INPP5A: variants seen among roughly 807,000 people sequenced by gnomAD.
INPP5A encodes 43 kDa inositol polyphosphate 5-phophatase.
A neutral mutation model predicts 65.2 loss-of-function variants in INPP5A; 14 were observed. The ratio of observed to expected loss-of-function variants is 0.21; its 90% confidence interval spans 0.14 to 0.34. The LOEUF (loss-of-function observed/expected upper bound fraction) is 0.34, where lower values mean the gene tolerates loss of function less well. Ranked by LOEUF, INPP5A falls within the 10% of genes least tolerant of loss-of-function variation. The pLI is 1.00. For synonymous variants in INPP5A, 207 were observed against 208.3 expected (o/e 0.99, Z 0.05); for missense variants, 431 against 545.6 (o/e 0.79, Z 2.09).
At chr10:132,772,452 G>A (rs2986542) in intron 12 of INPP5A, among the ~76,000 whole-genome samples, 64 of 119,164 alleles carry the variant, frequency 5.4e-4, no homozygotes, top group East Asian at 1.0e-3. Context: ...CAGAGGCCAC[G>A]GCAGCCACCC....
intron 9 of INPP5A, among the ~76,000 whole-genome samples, chr10:132,743,374 G>A (rs1590975442): frequency 7.5e-6 from 1 of 133,994 alleles, no homozygotes; most frequent in Non-Finnish European, 1.6e-5. Flanking sequence ...ACCCACCAGC[G>A]CTGCACTCAG....
intron 9 of INPP5A, among the ~76,000 whole-genome samples, chr10:132,729,106 G>T (rs1242500527): frequency 6.6e-6 from 1 of 152,196 alleles, no homozygotes; most frequent in Non-Finnish European, 1.5e-5. Context: ...GCTGGGTCCT[G>T]TGGGGCGTTG....
rs191172714 is a variant in INPP5A, at chr10:132,548,858, G to A, written c.75+10687G>A. ...TCCACCTAGGCTGGAGTGCGGTGGCGCAGTCACCACTCACCGAAGCCTCAA... is the reference window on the plus strand; with the variant it reads ...TCCACCTAGGCTGGAGTGCGGTGGCACAGTCACCACTCACCGAAGCCTCAA... On this transcript the variant is annotated intron_variant, in intron 1 of 15. Coordinates refer to ENST00000368594, the MANE Select transcript of INPP5A (RefSeq NM_005539.5). Among the ~76,000 whole-genome samples the A allele has an allele frequency of 2.4e-4, 35 of 146,046 alleles. No individual in the cohort carries two copies. The South Asian group carries it at 5.9e-3, about 25-fold the overall frequency.
At chr10:132,615,698 G>A (rs1368696631) in intron 2 of INPP5A, among the ~76,000 whole-genome samples, 1 of 152,218 alleles carries the variant, frequency 6.6e-6, no homozygotes, top group Non-Finnish European at 1.5e-5. Context: ...TGGAGAGTGG[G>A]CAGCTGGGAC....
intron 4 of INPP5A, among the ~76,000 whole-genome samples, chr10:132,687,516 T>A (rs112697908): frequency 6.6e-6 from 1 of 152,256 alleles, no homozygotes; most frequent in Non-Finnish European, 1.5e-5. Context: ...GAGGCAGAGA[T>A]GCTGCCTGCT....
At chr10:132,680,669 G>A (rs1156772846) in intron 4 of INPP5A, among the ~76,000 whole-genome samples, 2 of 152,260 alleles carry the variant, frequency 1.3e-5, no homozygotes, top group East Asian at 1.9e-4. Flanking sequence ...AGGGAGAGGC[G>A]CTAGCGGGAA....
At chr10:132,695,605 C>T (rs902547156) in intron 5 of INPP5A, among the ~76,000 whole-genome samples, 2 of 152,170 alleles carry the variant, frequency 1.3e-5, no homozygotes, top group Non-Finnish European at 2.9e-5. Context: ...AAAGAGTCAG[C>T]AACAATAACA....
At chr10:132,657,572 G>A (rs983393836) in intron 4 of INPP5A, among the ~76,000 whole-genome samples, 1 of 151,956 alleles carries the variant, frequency 6.6e-6, no homozygotes, top group African/African-American at 2.4e-5. Context: ...GGGGGCCCCA[G>A]TACCCAGCGG....
At chr10:132,586,041 T>A (rs1254041302) in intron 1 of INPP5A, among the ~76,000 whole-genome samples, 1 of 152,222 alleles carries the variant, frequency 6.6e-6, no homozygotes, top group African/African-American at 2.4e-5. Flanking sequence ...TGGCCAGCGC[T>A]TCTGTCCGGG....
intron 12 of INPP5A, among the ~76,000 whole-genome samples, chr10:132,773,804 C>T (rs543054560): frequency 6.6e-6 from 1 of 152,340 alleles, no homozygotes; most frequent in East Asian, 1.9e-4. Flanking sequence ...TGCTCTGTTG[C>T]CCGGGCTGGA....
chr10:132,588,378 G>A (rs931786459), intron 1 of INPP5A, among the ~76,000 whole-genome samples: 5 of 152,194 alleles, frequency 3.3e-5, no homozygotes, highest in African/African-American at 7.2e-5. Context: ...CCTTTCTCAC[G>A]GGCCTTCCTC....
intron 4 of INPP5A, among the ~76,000 whole-genome samples, chr10:132,660,734 G>T (rs560529339): frequency 1.3e-5 from 2 of 152,318 alleles, no homozygotes; most frequent in African/African-American, 4.8e-5. Flanking sequence ...TAGTCAGTGG[G>T]GACCATTACA....
chr10:132,639,936 T>C (rs1375483367), intron 2 of INPP5A, among the ~76,000 whole-genome samples: 1 of 152,254 alleles, frequency 6.6e-6, no homozygotes, highest in Non-Finnish European at 1.5e-5. Context: ...TCCTTTATAG[T>C]TTCTGTTGAA....
chr10:132,689,065 T>G (rs1171691805), intron 4 of INPP5A, among the ~76,000 whole-genome samples: 3 of 152,242 alleles, frequency 2.0e-5, no homozygotes, highest in Non-Finnish European at 4.4e-5. Flanking sequence ...TGTGCATGTG[T>G]GTACATGAAT....
At chr10:132,572,980 G>A (rs2071365594) in intron 1 of INPP5A, among the ~76,000 whole-genome samples, 2 of 151,966 alleles carry the variant, frequency 1.3e-5, no homozygotes, top group South Asian at 4.2e-4. Context: ...TGCCGTGTGA[G>A]GTTTTGTTGA....
At position 132,551,056 on chromosome 10, in the gene INPP5A, G is replaced by A; in HGVS notation, c.75+12885G>A. On this transcript the variant is annotated intron_variant, in intron 1 of 15. Coordinates refer to ENST00000368594, the MANE Select transcript of INPP5A (RefSeq NM_005539.5). This position sits in a 1 kb window ranked among gnomAD's most constrained non-coding sequence, Gnocchi z 5.3. ...CCAGTGGCTTCAGTAGCCACACGCT[G>A]CTTGGTCCAGGTTCCTGCCTGAGCC... Among the ~76,000 whole-genome samples, 1 of 152,232 alleles carries A rather than the reference G, an allele frequency of 6.6e-6. No homozygotes were observed. The highest frequency in any genetic ancestry group is 1.5e-5 in the Non-Finnish European group (1 of 68,036).
chr10:132,597,065 CTGTACGTG>C (rs1156590331), intron 1 of INPP5A, among the ~76,000 whole-genome samples: 3 of 147,236 alleles, frequency 2.0e-5, no homozygotes, highest in South Asian at 2.2e-4. Flanking sequence ...GTGCAGGCTC[CTGTACGTG>C]TGTGCGTGTG....
intron 2 of INPP5A, among the ~76,000 whole-genome samples, chr10:132,615,214 C>T (rs1414712830): frequency 2.6e-5 from 4 of 152,244 alleles, no homozygotes; most frequent in Non-Finnish European, 5.9e-5. Context: ...AGCACTGTCT[C>T]GTGGCGGCCC....
intron 11 of INPP5A, among the ~76,000 whole-genome samples, chr10:132,758,029 G>A (rs1463096460): frequency 1.4e-5 from 2 of 140,908 alleles, no homozygotes; most frequent in African/African-American, 5.4e-5. Flanking sequence ...CAGTGCCGTG[G>A]TGTGGGTCCC....
Sources: allele counts gnomAD v4.1 joint callset (sites outside exome capture counted in the v4.1 genomes callset), GRCh38; gene constraint gnomAD v4.1.1; non-coding constraint Gnocchi (gnomAD v3.1); transcripts MANE v1.5; gene names NCBI Gene and HGNC (gene_info 2026-07-23, HGNC 2026-07-21).